Variants in CYP19A1 observed in about 807,000 individuals in gnomAD.
CYP19A1 encodes the protein cytochrome P450 family 19 subfamily A member 1, also known as aromatase.
In CYP19A1, 32 loss-of-function variants were observed where a neutral mutation model predicts 44.4. The observed-to-expected ratio is 0.72, with a 90% confidence interval of 0.54 to 0.97. CYP19A1 has a LOEUF of 0.97. Among genes scored for constraint, CYP19A1 ranks in the 50% least tolerant of loss-of-function variants. The probability of loss-of-function intolerance (pLI) is 0.00; values close to 1 mark genes in which losing one functional copy is unlikely to be tolerated. For synonymous variants in CYP19A1, 212 were observed against 215.6 expected (o/e 0.98, Z 0.14); for missense variants, 598 against 637.8 (o/e 0.94, Z 0.67).
At position 51,273,315 on chromosome 15, in the gene CYP19A1, C is replaced by T. The variant is rs138236931; in HGVS notation, c.-38-30365G>A. On this transcript the variant is annotated intron_variant, in intron 1 of 9. Coordinates refer to ENST00000396402, the MANE Select transcript of CYP19A1 (RefSeq NM_000103.4). ...ATAGGCAGAATAGTGTTTGGACACTCTGATGTGTTCATTTTAACACTGAAC... is the reference window on the plus strand; with the variant it reads ...ATAGGCAGAATAGTGTTTGGACACTTTGATGTGTTCATTTTAACACTGAAC... 4.3e-3 allele frequency among the ~76,000 whole-genome samples: 652 copies of T among 152,228 alleles called. 5 individuals are homozygous for T. The highest frequency in any genetic ancestry group is 0.015 in the African/African-American group (620 of 41,532).
At chr15:51,277,437 G>T (rs1461502486) in intron 1 of CYP19A1, 2 of 152,218 alleles carry the variant, frequency 1.3e-5, no homozygotes, top group Non-Finnish European at 2.9e-5. Flanking sequence ...CCTATTTTTA[G>T]TTTTGGAACG....
chr15:51,273,979 C>T (rs1204981647), intron 1 of CYP19A1, among the ~76,000 whole-genome samples: 1 of 150,090 alleles, frequency 6.7e-6, no homozygotes, highest in Non-Finnish European at 1.5e-5. Context: ...TGCACTCCAG[C>T]CTGGGCCACA....
chr15:51,224,131 C>T (rs2032374730), intron 4 of CYP19A1, among the ~76,000 whole-genome samples: 1 of 152,164 alleles, frequency 6.6e-6, no homozygotes, highest in African/African-American at 2.4e-5. Context: ...TTGGGAAACA[C>T]ATGCTATTTC....
chr15:51,308,404 ATAGT>A (rs1324889002), intron 1 of CYP19A1, among the ~76,000 whole-genome samples: 3 of 152,050 alleles, frequency 2.0e-5, no homozygotes, highest in Admixed American at 1.3e-4. Flanking sequence ...CCTTTGTTTC[ATAGT>A]TAGTTTCTGC....
chr15:51,299,952 G>A (rs1824521347), intron 1 of CYP19A1, among the ~76,000 whole-genome samples: 1 of 152,230 alleles, frequency 6.6e-6, no homozygotes, highest in South Asian at 2.1e-4. Context: ...TCACTGGGCA[G>A]AAATGGGGAT....
At chr15:51,334,298 C>T (rs920117365) in intron 1 of CYP19A1, among the ~76,000 whole-genome samples, 1 of 152,158 alleles carries the variant, frequency 6.6e-6, no homozygotes, top group Non-Finnish European at 1.5e-5. Context: ...ACAATGTGAC[C>T]TTGGGCAGAT....
At chr15:51,323,426 C>T (rs140139502) in intron 1 of CYP19A1, among the ~76,000 whole-genome samples, 9 of 150,892 alleles carry the variant, frequency 6.0e-5, no homozygotes, top group South Asian at 2.1e-4. Flanking sequence ...CAATGATAAA[C>T]GGAGATGGAA....
intron 1 of CYP19A1, among the ~76,000 whole-genome samples, chr15:51,335,330 T>C (rs1465843069): frequency 2.6e-5 from 4 of 152,180 alleles, no homozygotes; most frequent in African/African-American, 9.7e-5. Context: ...GGAAATCTGT[T>C]GTTACCAGCC....
intron 1 of CYP19A1, among the ~76,000 whole-genome samples, chr15:51,274,795 G>A (rs771493978): frequency 2.0e-5 from 3 of 152,114 alleles, no homozygotes; most frequent in Admixed American, 6.5e-5. Context: ...TTTAGAAGAA[G>A]ATTTTTTTTT....
At chr15:51,307,076 C>T (rs531468386) in intron 1 of CYP19A1, among the ~76,000 whole-genome samples, 2 of 152,298 alleles carry the variant, frequency 1.3e-5, no homozygotes, top group African/African-American at 4.8e-5. Flanking sequence ...AAGTTTTGAT[C>T]GCTGAGTCTA....
chr15:51,337,653 G>T (rs1184247637), intron 1 of CYP19A1, among the ~76,000 whole-genome samples: 1 of 152,222 alleles, frequency 6.6e-6, no homozygotes, highest in Non-Finnish European at 1.5e-5. Flanking sequence ...AGGCCTTAAA[G>T]TGGGCAACAC....
intron 1 of CYP19A1, among the ~76,000 whole-genome samples, chr15:51,310,860 G>T (rs1228336726): frequency 6.6e-6 from 1 of 152,178 alleles, no homozygotes; most frequent in Admixed American, 6.5e-5. Context: ...GCCAGCACAA[G>T]TCCTGACCTC....
intron 1 of CYP19A1, among the ~76,000 whole-genome samples, chr15:51,286,498 T>C (rs987159920): frequency 6.6e-6 from 1 of 152,214 alleles, no homozygotes; most frequent in African/African-American, 2.4e-5. Flanking sequence ...CATCAGCCAG[T>C]ATGGTACAAA....
intron 1 of CYP19A1, among the ~76,000 whole-genome samples, chr15:51,256,910 G>C (rs1260285419): frequency 1.3e-5 from 2 of 152,202 alleles, no homozygotes; most frequent in Non-Finnish European, 2.9e-5. Context: ...GTAGTCAGAT[G>C]ATGGGTGGGC....
chr15:51,228,050 C>A (rs1348941399), intron 3 of CYP19A1, 117 bp from the exon 4 acceptor site: 2 of 751,732 alleles, frequency 2.7e-6, no homozygotes, highest in South Asian at 2.8e-5. Flanking sequence ...ATGCAATGTG[C>A]ATGATTTCTA....
intron 1 of CYP19A1, chr15:51,321,470 T>G (rs1407950466): frequency 6.6e-6 from 1 of 152,424 alleles, no homozygotes; most frequent in Non-Finnish European, 1.5e-5. Flanking sequence ...CGAAATCACT[T>G]ACGCCATCCT....
chr15:51,213,898 C>G (rs1391889559), intron 8 of CYP19A1, among the ~76,000 whole-genome samples: 1 of 152,082 alleles, frequency 6.6e-6, no homozygotes. Context: ...GGCACAGAAC[C>G]TGAGAACCTG....
chr15:51,280,216 C>T (rs1013366044), intron 1 of CYP19A1, among the ~76,000 whole-genome samples: 3 of 151,616 alleles, frequency 2.0e-5, no homozygotes, highest in African/African-American at 7.3e-5. Flanking sequence ...CTGCCTCCGC[C>T]TCCAGAGTAG....
chr15:51,320,991 C>A (rs1257582373), intron 1 of CYP19A1: 1 of 152,318 alleles, frequency 6.6e-6, no homozygotes, highest in Non-Finnish European at 1.5e-5. Flanking sequence ...GCTCGACAGC[C>A]ACCTGTGGCT....
Sources: allele counts gnomAD v4.1 joint callset (sites outside exome capture counted in the v4.1 genomes callset), GRCh38; gene constraint gnomAD v4.1.1; transcripts MANE v1.5; gene names NCBI Gene and HGNC (gene_info 2026-07-23, HGNC 2026-07-21).